The following GALNT13 variants were observed in gnomAD, a reference collection of about 807,000 sequenced individuals.
GALNT13 encodes the protein polypeptide N-acetylgalactosaminyltransferase 13.
A neutral mutation model predicts 64.2 loss-of-function variants in GALNT13; 28 were observed. The observed-to-expected ratio is 0.44, with a 90% CI of 0.32 to 0.60. The LOEUF (loss-of-function observed/expected upper bound fraction) is 0.60, where lower values mean the gene tolerates loss of function less well. Among genes scored for constraint, GALNT13 ranks in the 20% least tolerant of loss-of-function variants. The pLI, the probability that GALNT13 is intolerant of heterozygous loss-of-function variation, is 0.05. For synonymous variants in GALNT13, 214 were observed against 224.6 expected, an observed-to-expected ratio of 0.95 and a Z score of 0.42; for missense variants, 577 against 669.8, an observed-to-expected ratio of 0.86 and a Z score of 1.53.
the GALNT13 span, among the ~76,000 whole-genome samples, chr2:153,332,031 C>T: frequency 6.6e-6 from 1 of 152,160 alleles, no homozygotes; most frequent in East Asian, 1.9e-4. Context: ...GTTGTAATGT[C>T]ACTTGTGCCA....
At chr2:154,276,545 CTTTTGAGTTAATGCTGAAATAGGTTAAGA>C (rs2105931849) in intron 8 of GALNT13, among the ~76,000 whole-genome samples, 1 of 152,262 alleles carries the variant, frequency 6.6e-6, no homozygotes, top group Admixed American at 6.5e-5. Flanking sequence ...CAGACTGTGA[CTTTTGAGTTAATGCTGAAATAGGTTAAGA>C]TTTTGAGTTA....
At chr2:153,196,465 G>T in the GALNT13 span, among the ~76,000 whole-genome samples, 2 of 152,146 alleles carry the variant, frequency 1.3e-5, no homozygotes, top group African/African-American at 4.8e-5. Flanking sequence ...ATTGGAGCAG[G>T]CTCTGTGAGC....
intron 9 of GALNT13, among the ~76,000 whole-genome samples, chr2:154,355,998 T>C (rs923246954): frequency 3.9e-4 from 60 of 152,018 alleles, no homozygotes; most frequent in Admixed American, 3.6e-3. Flanking sequence ...TTCTCTTTGA[T>C]ATTAAAATGG....
At chr2:153,281,427 G>A in the GALNT13 span, among the ~76,000 whole-genome samples, 1 of 152,012 alleles carries the variant, frequency 6.6e-6, no homozygotes, top group Non-Finnish European at 1.5e-5. Flanking sequence ...TTATCAGGAA[G>A]CTGTTAGCTG....
the GALNT13 span, among the ~76,000 whole-genome samples, chr2:153,405,576 A>T: frequency 6.6e-6 from 1 of 152,108 alleles, no homozygotes; most frequent in East Asian, 1.9e-4. Context: ...TTGGAGCCCA[A>T]CCTCAGGGAG....
chr2:153,086,487 T>A, the GALNT13 span, among the ~76,000 whole-genome samples: 1 of 152,110 alleles, frequency 6.6e-6, no homozygotes, highest in East Asian at 1.9e-4. Flanking sequence ...GGTGAATAAG[T>A]CTCATGAAAT....
the GALNT13 span, among the ~76,000 whole-genome samples, chr2:153,175,773 A>T: frequency 1.1e-4 from 17 of 152,186 alleles, no homozygotes; most frequent in Admixed American, 1.1e-3. Flanking sequence ...CGAGAACTAG[A>T]GGAACCAGTT....
intron 4 of GALNT13, among the ~76,000 whole-genome samples, chr2:154,188,832 C>T (rs1411065894): frequency 6.6e-6 from 1 of 151,984 alleles, no homozygotes; most frequent in African/African-American, 2.4e-5. Context: ...CATTTTTCTG[C>T]ACATTTCTCT....
At chr2:153,654,352 G>T in the GALNT13 span, among the ~76,000 whole-genome samples, 7 of 152,090 alleles carry the variant, frequency 4.6e-5, no homozygotes, top group Admixed American at 2.6e-4. Context: ...TAGAAAAATT[G>T]TATCATGGCA....
the GALNT13 span, among the ~76,000 whole-genome samples, chr2:153,557,384 C>T: frequency 6.6e-6 from 1 of 152,278 alleles, no homozygotes; most frequent in African/African-American, 2.4e-5. Flanking sequence ...TAAAGTGACT[C>T]ATGACTGTAC....
At chr2:153,160,614 C>A in the GALNT13 span, among the ~76,000 whole-genome samples, 2 of 152,074 alleles carry the variant, frequency 1.3e-5, no homozygotes, top group East Asian at 3.9e-4. Flanking sequence ...CTCTGTAACT[C>A]ATGAGAAATA....
At chr2:154,178,541 A>G (rs1302027585) in intron 4 of GALNT13, among the ~76,000 whole-genome samples, 2 of 152,136 alleles carry the variant, frequency 1.3e-5, no homozygotes, top group Non-Finnish European at 2.9e-5. Flanking sequence ...CGTTGTGCAC[A>G]TGTACCCTAA....
chr2:153,705,254 A>G, the GALNT13 span, among the ~76,000 whole-genome samples: 1 of 152,278 alleles, frequency 6.6e-6, no homozygotes, highest in Non-Finnish European at 1.5e-5. Context: ...CGCTTTCCTC[A>G]GTTTCCATTT....
At chr2:154,085,489 A>G (rs567020330) in intron 3 of GALNT13, among the ~76,000 whole-genome samples, 1 of 152,114 alleles carries the variant, frequency 6.6e-6, no homozygotes, top group South Asian at 2.1e-4. Context: ...CACTGACACT[A>G]TGAAAGACAG....
chr2:154,307,872 T>C (rs770090397), intron 9 of GALNT13, among the ~76,000 whole-genome samples: 1 of 152,212 alleles, frequency 6.6e-6, no homozygotes, highest in Non-Finnish European at 1.5e-5. Context: ...TCTTTTCCTC[T>C]TGGTCACAGG....
At chr2:153,670,644 C>T in the GALNT13 span, among the ~76,000 whole-genome samples, 6 of 152,204 alleles carry the variant, frequency 3.9e-5, no homozygotes, top group African/African-American at 7.2e-5. Flanking sequence ...TGCCTCTTCT[C>T]CTCCAAAGGA....
chr2:153,179,392 T>C, the GALNT13 span, among the ~76,000 whole-genome samples: 2 of 152,212 alleles, frequency 1.3e-5, no homozygotes, highest in African/African-American at 2.4e-5. Flanking sequence ...GCATTCTCTA[T>C]CCTTTTCCAT....
chr2:154,251,436 T>A (rs1559049060), intron 7 of GALNT13, among the ~76,000 whole-genome samples: 2 of 152,172 alleles, frequency 1.3e-5, no homozygotes, highest in African/African-American at 4.8e-5. Context: ...AGTATTTGAT[T>A]CTCATGCTTA....
intron 11 of GALNT13, among the ~76,000 whole-genome samples, chr2:154,432,949 C>T (rs943057493): frequency 5.3e-4 from 81 of 152,048 alleles, no homozygotes; most frequent in African/African-American, 1.9e-3. Context: ...GATTAGTTGC[C>T]CTCCCTCTAG....
Sources: allele counts gnomAD v4.1 joint callset (sites outside exome capture counted in the v4.1 genomes callset), GRCh38; gene constraint gnomAD v4.1.1; transcripts MANE v1.5; gene names NCBI Gene and HGNC (gene_info 2026-07-23, HGNC 2026-07-21).